Variants in ANO10 observed in about 807,000 individuals in gnomAD.
ANO10 encodes the protein anoctamin-10.
In ANO10, 77 loss-of-function variants were observed where a neutral mutation model predicts 74.7. That is an observed-to-expected ratio of 1.03 (90% CI 0.86 to 1.25). The LOEUF (loss-of-function observed/expected upper bound fraction) is 1.25. Among genes scored for constraint, ANO10 ranks in the 50% most tolerant of loss-of-function variants. The probability of loss-of-function intolerance (pLI) is 0.00; values close to 1 mark genes in which losing one functional copy is unlikely to be tolerated. For missense variants in ANO10, 721 were observed against 778.1 expected (o/e 0.93, Z 0.87); for synonymous variants, 279 against 284.9 (o/e 0.98, Z 0.21).
At chr3:43,382,294 C>A (rs969516974) in intron 12 of ANO10, among the ~76,000 whole-genome samples, 1 of 151,906 alleles carries the variant, frequency 6.6e-6, no homozygotes, top group Non-Finnish European at 1.5e-5. Flanking sequence ...CCGAGGCGGG[C>A]GGATCACGAG....
chr3:43,471,453 C>T (rs142515001), intron 11 of ANO10, among the ~76,000 whole-genome samples: 1,877 of 152,182 alleles, frequency 0.012, 23 homozygotes, highest in Non-Finnish European at 0.02. Context: ...GAGGAGTGTT[C>T]AGGGCGTCTG....
intron 1 of ANO10, among the ~76,000 whole-genome samples, chr3:43,681,267 G>A (rs558722101): frequency 3.9e-5 from 6 of 151,966 alleles, no homozygotes; most frequent in Non-Finnish European, 8.8e-5. Flanking sequence ...AAAAAAGGCC[G>A]GGGCTGCAAT....
chr3:43,457,966 T>A (rs1367778267), intron 11 of ANO10, among the ~76,000 whole-genome samples: 3 of 152,002 alleles, frequency 2.0e-5, no homozygotes, highest in Non-Finnish European at 4.4e-5. Context: ...CCTATTCCTA[T>A]AGGAGTTTGT....
At chr3:43,413,583 T>C (rs1164050595) in intron 12 of ANO10, among the ~76,000 whole-genome samples, 1 of 151,644 alleles carries the variant, frequency 6.6e-6, no homozygotes, top group African/African-American at 2.4e-5. Flanking sequence ...ATGCTTCCTG[T>C]GTAGCCTGCA....
At chr3:43,591,965 C>A (rs1411587979) in intron 4 of ANO10, among the ~76,000 whole-genome samples, 2 of 152,378 alleles carry the variant, frequency 1.3e-5, no homozygotes, top group Non-Finnish European at 2.9e-5. Context: ...GTGCCTGGCT[C>A]AGAGGGTCCC....
At chr3:43,487,440 CTT>C (rs2076539607) in intron 11 of ANO10, among the ~76,000 whole-genome samples, 1 of 151,848 alleles carries the variant, frequency 6.6e-6, no homozygotes, top group African/African-American at 2.4e-5. Flanking sequence ...GTCCTGGACT[CTT>C]TTTGGTTGGT....
At chr3:43,666,968 G>T (rs1442517493) in intron 1 of ANO10, among the ~76,000 whole-genome samples, 1 of 74,410 alleles carries the variant, frequency 1.3e-5, no homozygotes, top group East Asian at 3.6e-4. Context: ...ATCTACATGT[G>T]TAATTATATT....
chr3:43,491,203 G>A (rs1459418500), intron 11 of ANO10, among the ~76,000 whole-genome samples: 1 of 152,164 alleles, frequency 6.6e-6, no homozygotes, highest in Non-Finnish European at 1.5e-5. Context: ...GACCCTGGAA[G>A]TATGCCAACA....
intron 12 of ANO10, among the ~76,000 whole-genome samples, chr3:43,409,571 G>A (rs1025843136): frequency 6.6e-6 from 1 of 152,022 alleles, no homozygotes; most frequent in East Asian, 1.9e-4. Flanking sequence ...AAAGAAACAA[G>A]AAACAAAAGG....
intron 1 of ANO10, among the ~76,000 whole-genome samples, chr3:43,616,040 C>T (rs1000893365): frequency 2.0e-5 from 3 of 152,098 alleles, no homozygotes; most frequent in African/African-American, 7.2e-5. Flanking sequence ...ATAAAAGCTA[C>T]CTAGATTTAA....
intron 11 of ANO10, among the ~76,000 whole-genome samples, chr3:43,509,959 T>A (rs939864444): frequency 6.6e-6 from 1 of 152,228 alleles, no homozygotes. Context: ...GGTTATACAC[T>A]GTATGATTAC....
intron 11 of ANO10, among the ~76,000 whole-genome samples, chr3:43,499,279 C>A (rs998978427): frequency 6.6e-6 from 1 of 151,996 alleles, no homozygotes; most frequent in African/African-American, 2.4e-5. Context: ...AGTTGAGGAA[C>A]CCAGTCATGA....
intron 1 of ANO10, chr3:43,691,279 G>T (rs377042128): frequency 1.6e-5 from 6 of 367,804 alleles, no homozygotes; most frequent in East Asian, 1.2e-4. Context: ...CTCCGGCCGC[G>T]CCGGGAGGCC....
chr3:43,648,738 G>T (rs962918109), intron 1 of ANO10, among the ~76,000 whole-genome samples: 1 of 148,412 alleles, frequency 6.7e-6, no homozygotes, highest in South Asian at 2.1e-4. Flanking sequence ...GTGCAGTGGC[G>T]TGATCTTGCC....
intron 12 of ANO10, among the ~76,000 whole-genome samples, chr3:43,383,571 TAAA>T (rs2125701386): frequency 6.7e-6 from 1 of 148,282 alleles, no homozygotes; most frequent in East Asian, 2.0e-4. Context: ...ATAAACCAAA[TAAA>T]AAACAAAAAT....
intron 12 of ANO10, among the ~76,000 whole-genome samples, chr3:43,384,149 A>G (rs1452616704): frequency 1.3e-5 from 2 of 152,140 alleles, no homozygotes; most frequent in African/African-American, 4.8e-5. Flanking sequence ...AATCAAATCA[A>G]GAACTCAACT....
At chr3:43,377,499 C>A (rs116355435) in intron 12 of ANO10, among the ~76,000 whole-genome samples, 4 of 152,154 alleles carry the variant, frequency 2.6e-5, no homozygotes, top group South Asian at 2.1e-4. Context: ...CCAAGGAGGG[C>A]GGCAGCATTG....
chr3:43,562,674 C>T (rs1326743054), intron 8 of ANO10, among the ~76,000 whole-genome samples: 1 of 150,532 alleles, frequency 6.6e-6, no homozygotes, highest in Non-Finnish European at 1.5e-5. Flanking sequence ...GAGTGAGACT[C>T]CATCTAAAAA....
rs374703029 is a variant in ANO10 at position 43,446,457 on chromosome 3, G to A, written c.1798-13730C>T. ...AACAGAGAGTTTGTAACAAAAAAGA[G>A]TTACAACTTTTTATAACTGCATATT... On this transcript the variant is annotated intron_variant, in intron 11 of 12. Transcript: ENST00000292246. Among the ~76,000 whole-genome samples, 180 of 152,294 alleles carry A rather than the reference G, an allele frequency of 1.2e-3. 1 individual carries two copies. The highest frequency in any genetic ancestry group is 4.3e-3 in the African/African-American group (178 of 41,572).
Sources: allele counts gnomAD v4.1 joint callset (sites outside exome capture counted in the v4.1 genomes callset), GRCh38; gene constraint gnomAD v4.1.1; transcripts MANE v1.5; gene names NCBI Gene and HGNC (gene_info 2026-07-23, HGNC 2026-07-21).